Variants in GRID2 observed in about 807,000 individuals in gnomAD.
GRID2 encodes glutamate receptor ionotropic, delta-2.
In GRID2, 33 loss-of-function variants were observed where a neutral mutation model predicts 114.8. The ratio of observed to expected loss-of-function variants is 0.29; its 90% CI spans 0.22 to 0.38. The LOEUF (loss-of-function observed/expected upper bound fraction) is 0.38. GRID2 is among the 10% of genes least tolerant of loss of function. The pLI is 1.00. For synonymous variants in GRID2, 505 were observed against 449.9 expected (o/e 1.12, Z -1.55); for missense variants, 1,184 against 1,257.7 (o/e 0.94, Z 0.89).
At chr4:93,128,305 T>G (rs1579067542) in intron 4 of GRID2, among the ~76,000 whole-genome samples, 1 of 152,130 alleles carries the variant, frequency 6.6e-6, no homozygotes, top group African/African-American at 2.4e-5. Flanking sequence ...AGAACAGAAC[T>G]TTTGGATTAA....
Position 92,649,930 on chromosome 4 carries a change from C to CT in GRID2, c.244+59646dup, listed in dbSNP as rs1377579619. On this transcript the variant is annotated intron_variant, in intron 2 of 15. Coordinates refer to ENST00000282020, the MANE Select transcript of GRID2 (RefSeq NM_001510.4). ...TATTAAGTCAGAAGTTCACATTTGACTTAATACGTTCAACTTACAAAGGGT... is the reference window on the plus strand; with the variant it reads ...TATTAAGTCAGAAGTTCACATTTGACTTTAATACGTTCAACTTACAAAGGGT... 2.0e-5 allele frequency among the ~76,000 whole-genome samples: 3 copies of CT among 151,944 alleles called. No homozygotes were observed. The East Asian group carries it at 5.8e-4, about 29-fold the overall frequency.
At chr4:93,163,343 AT>A (rs201428577) in intron 4 of GRID2, among the ~76,000 whole-genome samples, 2,497 of 102,274 alleles carry the variant, frequency 0.024, 43 homozygotes, top group South Asian at 0.039. Flanking sequence ...TCCACTTCTG[AT>A]TTTTTTTTTG....
intron 1 of GRID2, among the ~76,000 whole-genome samples, chr4:92,540,779 C>A (rs79429255): frequency 0.21 from 32,192 of 151,970 alleles, 3,799 homozygotes; most frequent in South Asian, 0.29. Flanking sequence ...TTGACCCAGC[C>A]ATCCCATTAC....
intron 1 of GRID2, among the ~76,000 whole-genome samples, chr4:92,339,200 C>G (rs1727346617): frequency 6.6e-6 from 1 of 151,972 alleles, no homozygotes; most frequent in Non-Finnish European, 1.5e-5. Context: ...TTCTTATTTC[C>G]CATTATTCAT....
intron 14 of GRID2, among the ~76,000 whole-genome samples, chr4:93,696,940 A>G (rs879272364): frequency 6.6e-6 from 1 of 152,352 alleles, no homozygotes; most frequent in South Asian, 2.1e-4. Flanking sequence ...CATTATAGAT[A>G]TTCAACAATG....
intron 1 of GRID2, among the ~76,000 whole-genome samples, chr4:93,799,831 A>G (rs1031106524): frequency 2.0e-5 from 3 of 152,374 alleles, no homozygotes; most frequent in African/African-American, 4.8e-5. Context: ...AAAAAGAAAC[A>G]TATTTGAATT....
At chr4:93,463,784 T>G (rs1198989084) in intron 11 of GRID2, among the ~76,000 whole-genome samples, 1 of 151,888 alleles carries the variant, frequency 6.6e-6, no homozygotes, top group African/African-American at 2.4e-5. Context: ...GGTCAGGAGA[T>G]CGAGACCATC....
At chr4:93,743,556 C>G (rs1731589505) in intron 14 of GRID2, among the ~76,000 whole-genome samples, 1 of 152,164 alleles carries the variant, frequency 6.6e-6, no homozygotes. Flanking sequence ...AGGGTGCTTC[C>G]TCTCATGGTG....
At chr4:92,308,039 C>T (rs758766044) in intron 1 of GRID2, among the ~76,000 whole-genome samples, 15 of 152,134 alleles carry the variant, frequency 9.9e-5, no homozygotes, top group African/African-American at 2.2e-4. Flanking sequence ...ATTCAGAAGT[C>T]GCTCTGATTT....
chr4:93,593,816 T>C (rs889068966), intron 13 of GRID2, among the ~76,000 whole-genome samples: 14 of 152,150 alleles, frequency 9.2e-5, no homozygotes, highest in African/African-American at 3.4e-4. Context: ...CATCTTCCAT[T>C]GCTGATACCC....
chr4:93,071,681 T>C (rs988717203), intron 2 of GRID2, among the ~76,000 whole-genome samples: 1 of 151,818 alleles, frequency 6.6e-6, no homozygotes, highest in Non-Finnish European at 1.5e-5. Flanking sequence ...AACCAATGAG[T>C]GAGCCAAAAT....
At chr4:92,950,859 G>T (rs1287010564) in intron 2 of GRID2, among the ~76,000 whole-genome samples, 1 of 152,194 alleles carries the variant, frequency 6.6e-6, no homozygotes, top group South Asian at 2.1e-4. Context: ...GTACCTAATT[G>T]TATTTCAGTT....
intron 14 of GRID2, among the ~76,000 whole-genome samples, chr4:93,768,049 C>A (rs1189273503): frequency 1.3e-5 from 2 of 152,172 alleles, no homozygotes; most frequent in Non-Finnish European, 2.9e-5. Flanking sequence ...TTTCCACCTG[C>A]AGCTCCAACT....
intron 4 of GRID2, among the ~76,000 whole-genome samples, chr4:93,178,331 G>A (rs917335750): frequency 1.3e-5 from 2 of 148,462 alleles, no homozygotes; most frequent in South Asian, 2.1e-4. Context: ...CTCAAACTGA[G>A]GATCATTTTT....
chr4:93,495,193 A>G (rs1476096196), intron 12 of GRID2, among the ~76,000 whole-genome samples: 3 of 151,726 alleles, frequency 2.0e-5, no homozygotes, highest in Non-Finnish European at 4.4e-5. Flanking sequence ...CAAAATATTG[A>G]GTTAATTCTG....
At chr4:93,680,894 A>G (rs1325644897) in intron 14 of GRID2, among the ~76,000 whole-genome samples, 1 of 151,502 alleles carries the variant, frequency 6.6e-6, no homozygotes, top group African/African-American at 2.4e-5. Flanking sequence ...CTCTCTCGCC[A>G]CTCCTATTCA....
At chr4:92,836,240 T>C (rs1202379480) in intron 2 of GRID2, among the ~76,000 whole-genome samples, 1 of 152,170 alleles carries the variant, frequency 6.6e-6, no homozygotes, top group Non-Finnish European at 1.5e-5. Context: ...TGCTGGCTTC[T>C]GGTGTATGTG....
intron 2 of GRID2, among the ~76,000 whole-genome samples, chr4:92,634,773 A>G (rs1251878713): frequency 1.4e-5 from 2 of 141,566 alleles, no homozygotes; most frequent in Middle Eastern, 3.4e-3. Context: ...CAGACATTGC[A>G]GGCCATACTG....
intron 8 of GRID2, among the ~76,000 whole-genome samples, chr4:93,342,183 A>T (rs1184061134): frequency 6.6e-6 from 1 of 152,200 alleles, no homozygotes; most frequent in Non-Finnish European, 1.5e-5. Flanking sequence ...AACACCTGTA[A>T]GTCCATGTAA....
Sources: gnomAD v4.1 joint callset for allele counts (sites outside exome capture counted in the v4.1 genomes callset) on GRCh38, gnomAD v4.1.1 for gene constraint, MANE v1.5 for transcripts, NCBI Gene and HGNC (gene_info 2026-07-23, HGNC 2026-07-21) for gene names.